Variants in PCDHGB4 observed in about 807,000 individuals in gnomAD.
PCDHGB4 encodes the protein protocadherin gamma subfamily B, 4, also known as protocadherin gamma-B4.
A neutral mutation model predicts 60.5 loss-of-function variants in PCDHGB4; 38 were observed. That is an observed-to-expected ratio of 0.63 (90% CI 0.48 to 0.82). The LOEUF is 0.82. Ranked by LOEUF, PCDHGB4 falls within the 40% of genes least tolerant of loss-of-function variation. The pLI is 0.00. For synonymous variants in PCDHGB4, 456 were observed against 509.7 expected (o/e 0.89, Z 1.42); for missense variants, 1,109 against 1,209.6 (o/e 0.92, Z 1.23).
intron 1 of PCDHGB4, among the ~76,000 whole-genome samples, chr5:141,401,018 G>C (rs2094104038): frequency 6.6e-6 from 1 of 152,108 alleles, no homozygotes; most frequent in Admixed American, 6.5e-5. Flanking sequence ...ATGGATTTAT[G>C]ATTTTTTGAA....
chr5:141,436,713 G>T (rs2097842329), intron 1 of PCDHGB4, among the ~76,000 whole-genome samples: 1 of 152,190 alleles, frequency 6.6e-6, no homozygotes, highest in Non-Finnish European at 1.5e-5. Context: ...TCGATGTTCT[G>T]TTGGGAAAAA....
In PCDHGB4 at chr5:141,456,878, G is replaced by T. The variant is rs71583646; in HGVS notation, c.2398-37929G>T. On this transcript the variant is annotated intron_variant, in intron 1 of 3. Coordinates refer to ENST00000519479, the MANE Select transcript of PCDHGB4 (RefSeq NM_003736.4). ...ATTGGGAGGCTGAGGCAGGAGAATCGCTTGAACCCGGGAGGCAGAGGTTGC... is the reference window on the plus strand; with the variant it reads ...ATTGGGAGGCTGAGGCAGGAGAATCTCTTGAACCCGGGAGGCAGAGGTTGC... Among the ~76,000 whole-genome samples, 307 of 152,160 alleles carry T rather than the reference G, an allele frequency of 2.0e-3. 1 individual carries two copies. The highest frequency in any genetic ancestry group is 0.01 in the Middle Eastern group (3 of 294).
intron 1 of PCDHGB4, chr5:141,394,106 T>C: frequency 1.2e-6 from 2 of 1,613,942 alleles, no homozygotes; most frequent in Non-Finnish European, 1.7e-6. Flanking sequence ...GAACACCACC[T>C]CTGTCCACTG....
chr5:141,446,289 G>T (rs1333286399), intron 1 of PCDHGB4, among the ~76,000 whole-genome samples: 1 of 152,112 alleles, frequency 6.6e-6, no homozygotes, highest in Non-Finnish European at 1.5e-5. Flanking sequence ...GATAAATGGG[G>T]AGCAGGGATT....
intron 1 of PCDHGB4, chr5:141,392,496 T>C (rs1357893523): frequency 4.6e-6 from 1 of 215,562 alleles, no homozygotes; most frequent in Non-Finnish European, 9.1e-6. Context: ...AATAAGCAAA[T>C]GATTTTTTTT....
chr5:141,403,729 C>G (rs1409756180), intron 1 of PCDHGB4: 1 of 1,613,896 alleles, frequency 6.2e-7, no homozygotes, highest in Non-Finnish European at 8.5e-7. Context: ...CCCCAGGCAC[C>G]TGGCTGCTTA....
At chr5:141,423,107 T>G (rs1590430250) in intron 1 of PCDHGB4, 1 of 1,613,696 alleles carries the variant, frequency 6.2e-7, no homozygotes, top group East Asian at 2.2e-5. Flanking sequence ...ACGGGCGAGG[T>G]GCGTACAGCG....
intron 2 of PCDHGB4, among the ~76,000 whole-genome samples, chr5:141,503,458 G>A (rs948221006): frequency 2.0e-5 from 3 of 152,018 alleles, no homozygotes; most frequent in Non-Finnish European, 4.4e-5. Flanking sequence ...CGCTGGGCAT[G>A]GTGGCATGTG....
chr5:141,421,965 C>T (rs775450008), intron 1 of PCDHGB4: 3 of 1,610,242 alleles, frequency 1.9e-6, no homozygotes, highest in Non-Finnish European at 2.5e-6. Context: ...TTACACAGTC[C>T]GTATATCGCG....
rs2099642802 is a variant in PCDHGB4, at chr5:141,487,311, CTAAG to C, written c.2398-7494_2398-7491del. The C allele has an allele frequency of 1.2e-6, 2 of 1,614,058 alleles. No individual in the cohort carries two copies. On this transcript the variant is annotated intron_variant, in intron 1 of 3. Coordinates refer to ENST00000519479, the MANE Select transcript of PCDHGB4 (RefSeq NM_003736.4). This position sits in a 1 kb window ranked among gnomAD's most constrained non-coding sequence, Gnocchi z 5.0. ...TTTGGCTCATTCGTGGCACTACTCTCTAAGTGTCTTCGTGGGGCAGCCTGTGGAG... is the reference window on the plus strand; with the variant it reads ...TTTGGCTCATTCGTGGCACTACTCTCTGTCTTCGTGGGGCAGCCTGTGGAG...
chr5:141,460,792 A>T (rs1028557260), intron 1 of PCDHGB4, among the ~76,000 whole-genome samples: 30 of 152,012 alleles, frequency 2.0e-4, no homozygotes, highest in Non-Finnish European at 2.9e-5. Context: ...ATATACACAC[A>T]AAGTATATAT....
intron 1 of PCDHGB4, chr5:141,422,413 GAA>G (rs753790858): frequency 6.2e-7 from 1 of 1,604,644 alleles, no homozygotes; most frequent in South Asian, 1.1e-5. Flanking sequence ...TTTTAAATTA[GAA>G]AAGACTTATG....
rs116716465 is a variant in PCDHGB4, at chr5:141,484,286, C to T, written c.2398-10521C>T. ...GATTCTTTACTGTTTTGAAACATCTCCCTCTCCTGGCTTCCTCCACCCCGC... is the reference window on the plus strand; with the variant it reads ...GATTCTTTACTGTTTTGAAACATCTTCCTCTCCTGGCTTCCTCCACCCCGC... On this transcript the variant is annotated intron_variant, in intron 1 of 3. Coordinates refer to ENST00000519479, the MANE Select transcript of PCDHGB4 (RefSeq NM_003736.4). 8.3e-3 allele frequency among the ~76,000 whole-genome samples: 1,266 copies of T among 152,294 alleles called. 10 individuals carry two copies. The highest frequency in any genetic ancestry group is 0.014 in the Non-Finnish European group (936 of 68,022).
Position 141,403,914 on chromosome 5 carries a change from C to A in PCDHGB4, c.2397+13633C>A, listed in dbSNP as rs748975395. The A allele has an allele frequency of 1.3e-5, 21 of 1,613,662 alleles. No homozygotes were observed. Among genetic ancestry groups the A allele is most frequent in the South Asian group, 2.2e-5 (2 of 91,064 alleles). On this transcript the variant is annotated intron_variant, in intron 1 of 3. Coordinates refer to ENST00000519479, the MANE Select transcript of PCDHGB4 (RefSeq NM_003736.4). ...TCATTTTATGAAATGGAAATACAAG[C>A]TGAAGATGGTGGGGGATTGAAAGGG...
In PCDHGB4 at chr5:141,489,645, C is replaced by T; in HGVS notation, c.2398-5162C>T. 1.2e-6 allele frequency: 2 copies of T among 1,614,156 alleles called. No homozygotes were observed. The highest frequency in any genetic ancestry group is 2.7e-5 in the African/African-American group (2 of 75,022). On this transcript the variant is annotated intron_variant, in intron 1 of 3. Transcript: ENST00000519479. This position sits in a 1 kb window ranked among gnomAD's most constrained non-coding sequence, Gnocchi z 4.5. ...ATGACAACTCTCCTAGCTTTGCCAC[C>T]CCTGAGCGAGAGATGCGCATCTCAG...
At chr5:141,410,849 C>CTTTTTTTTTTTTTTTTTTTCTT (rs2095436178) in intron 1 of PCDHGB4, 1 of 129,786 alleles carries the variant, frequency 7.7e-6, no homozygotes, top group Non-Finnish European at 1.3e-5. Context: ...TTGTCTTTGT[C>CTTTTTTTTTTTTTTTTTTTCTT]TTTTTTTTTT....
chr5:141,450,842 T>TTTTA (rs1387012749), intron 1 of PCDHGB4, among the ~76,000 whole-genome samples: 1 of 148,196 alleles, frequency 6.7e-6, no homozygotes, highest in African/African-American at 2.5e-5. Context: ...TTTTTTTTTT[T>TTTTA]GAGATGGGGT....
intron 1 of PCDHGB4, among the ~76,000 whole-genome samples, chr5:141,466,994 T>C (rs944607423): frequency 6.6e-6 from 1 of 152,176 alleles, no homozygotes; most frequent in African/African-American, 2.4e-5. Flanking sequence ...CTTTTGGCAT[T>C]TTTTTGCAAT....
At position 141,404,352 on chromosome 5, in the gene PCDHGB4, G is replaced by A. The variant is rs1378093484; in HGVS notation, c.2397+14071G>A. 1.7e-5 allele frequency: 27 copies of A among 1,613,812 alleles called. No individual in the cohort carries two copies. The South Asian group carries it at 2.9e-4, about 17-fold the overall frequency. On this transcript the variant is annotated intron_variant, in intron 1 of 3. Coordinates refer to ENST00000519479, the MANE Select transcript of PCDHGB4 (RefSeq NM_003736.4). ...GTCTACCTCCCGGAAAACAACGCCAGAGGTACTTCCATCTTCTCCGTGATT... is the reference window on the plus strand; with the variant it reads ...GTCTACCTCCCGGAAAACAACGCCAAAGGTACTTCCATCTTCTCCGTGATT...
Sources: gnomAD v4.1 joint callset for allele counts (sites outside exome capture counted in the v4.1 genomes callset) on GRCh38, gnomAD v4.1.1 for gene constraint, Gnocchi (gnomAD v3.1) non-coding constraint, MANE v1.5 for transcripts, NCBI Gene and HGNC (gene_info 2026-07-23, HGNC 2026-07-21) for gene names.